RASGEF1A: variants seen among roughly 807,000 people sequenced by gnomAD.
RASGEF1A encodes RasGEF domain family member 1A, also known as ras-GEF domain-containing family member 1A.
Under a neutral mutation model 56.4 loss-of-function variants are expected in RASGEF1A, and 18 were observed. That is an observed-to-expected ratio of 0.32 (90% CI 0.22 to 0.47). RASGEF1A has a LOEUF of 0.47. Ranked by LOEUF, RASGEF1A falls within the 20% of genes least tolerant of loss-of-function variation. The pLI is 1.00. For missense variants in RASGEF1A, 422 were observed against 627.1 expected, an observed-to-expected ratio of 0.67 and a Z score of 3.49; for synonymous variants, 245 against 242.6, an observed-to-expected ratio of 1.01 and a Z score of -0.09.
chr10:43,226,915 G>A (rs1840286449), intron 1 of RASGEF1A, among the ~76,000 whole-genome samples: 1 of 152,206 alleles, frequency 6.6e-6, no homozygotes, highest in African/African-American at 2.4e-5. Flanking sequence ...GTGTCTGTGG[G>A]AAGACAGACA....
At chr10:43,248,921 G>A (rs979752316) in intron 1 of RASGEF1A, among the ~76,000 whole-genome samples, 2 of 152,102 alleles carry the variant, frequency 1.3e-5, no homozygotes, top group Admixed American at 6.6e-5. Context: ...CACACCAGCC[G>A]GCAACAAGTG....
chr10:43,236,307 A>C (rs1324056181), intron 1 of RASGEF1A, among the ~76,000 whole-genome samples: 1 of 152,210 alleles, frequency 6.6e-6, no homozygotes, highest in Non-Finnish European at 1.5e-5. Flanking sequence ...CCGCGCATCC[A>C]TGTGTGTTTG....
rs868587612 is a variant in RASGEF1A, at chr10:43,254,312, G to A, written c.-7+12533C>T. On this transcript the variant is annotated intron_variant, in intron 1 of 12. Transcript: ENST00000395810. ...AGGGCTGCAAGGGGCCATGTAGGTA[G>A]ACCCCCCCAGTGCTGGCGGCCTCCA... Among the ~76,000 whole-genome samples, 3 of 152,328 alleles carry A rather than the reference G, an allele frequency of 2.0e-5. No individual in the cohort carries two copies. The South Asian group carries it at 6.2e-4, about 32-fold the overall frequency.
intron 1 of RASGEF1A, among the ~76,000 whole-genome samples, chr10:43,230,768 C>T (rs1344883577): frequency 6.6e-6 from 1 of 152,222 alleles, no homozygotes; most frequent in African/African-American, 2.4e-5. Context: ...GGCTCTTGCC[C>T]AGGCCTTGCC....
intron 1 of RASGEF1A, among the ~76,000 whole-genome samples, chr10:43,256,857 G>C (rs953559651): frequency 1.3e-5 from 2 of 152,208 alleles, no homozygotes; most frequent in South Asian, 2.1e-4. Flanking sequence ...TTGGGGCCCA[G>C]CTGTTTCCTC....
At chr10:43,198,866 C>A in intron 9 of RASGEF1A, 67 bp downstream of exon 9, 2 of 1,445,600 alleles carry the variant, frequency 1.4e-6, no homozygotes, top group African/African-American at 1.4e-5. Flanking sequence ...ACTGTCAGGG[C>A]CCCCTTCGGG....
At position 43,200,358 on chromosome 10, in the gene RASGEF1A, C is replaced by T. The variant is rs1839874440; in HGVS notation, c.682-102G>A. On this transcript the variant is annotated intron_variant, in intron 5 of 12. Transcript: ENST00000395810. The stretch of plus-strand genomic sequence containing the variant: ...GGGAGAGGAGGAGCTGCCCAGGGCA[C>T]AGGACCTTCACCTCCTCCCAGGCCA... 3.0e-6 allele frequency: 3 copies of T among 1,007,244 alleles called. No homozygotes were observed. In the African/African-American group the frequency reaches 4.8e-5, roughly 16 times the overall value. 62.4% of individuals were successfully genotyped at this position (1,007,244 alleles called of 1,614,324 possible).
intron 1 of RASGEF1A, chr10:43,208,453 G>A (rs1840025861): frequency 3.0e-6 from 3 of 985,654 alleles, no homozygotes; most frequent in Non-Finnish European, 3.6e-6. Flanking sequence ...CAGCCCACTG[G>A]TCAGCAGCCA....
chr10:43,229,723 C>A, intron 1 of RASGEF1A: 1 of 1,403,536 alleles, frequency 7.1e-7, no homozygotes, highest in Non-Finnish European at 9.2e-7. Context: ...CCTCTGCCCG[C>A]GAGCCAAGCA....
rs1840545995 is a variant in RASGEF1A, at chr10:43,244,306, C to T, written c.-7+22539G>A. ...CAGAGACCTTTGTTCTCGTGTTTAT[C>T]TGCTGACCTTCTCTCCACTATTATC... On this transcript the variant is annotated intron_variant, in intron 1 of 12. Coordinates refer to ENST00000395810, the MANE Select transcript of RASGEF1A (RefSeq NM_145313.4). Among the ~76,000 whole-genome samples the T allele has an allele frequency of 2.6e-5, 4 of 151,440 alleles. No homozygotes were observed. The South Asian group carries it at 8.5e-4, about 32-fold the overall frequency.
intron 1 of RASGEF1A, among the ~76,000 whole-genome samples, chr10:43,235,016 C>T (rs1380453816): frequency 6.6e-6 from 1 of 152,242 alleles, no homozygotes; most frequent in Non-Finnish European, 1.5e-5. Flanking sequence ...CACCCACAGG[C>T]TCCAGGGAAG....
chr10:43,246,078 A>T (rs149135210), intron 1 of RASGEF1A, among the ~76,000 whole-genome samples: 20 of 152,326 alleles, frequency 1.3e-4, no homozygotes, highest in Admixed American at 5.2e-4. Flanking sequence ...AGGCTATAGG[A>T]TACAAGATCA....
At chr10:43,238,008 G>A (rs1407565165) in intron 1 of RASGEF1A, among the ~76,000 whole-genome samples, 1 of 148,176 alleles carries the variant, frequency 6.7e-6, no homozygotes, top group Non-Finnish European at 1.5e-5. Flanking sequence ...GGCCACACAG[G>A]CCAAGGCGGC....
At chr10:43,227,287 T>A (rs1469473927) in intron 1 of RASGEF1A, among the ~76,000 whole-genome samples, 5 of 152,154 alleles carry the variant, frequency 3.3e-5, no homozygotes, top group African/African-American at 1.2e-4. Flanking sequence ...CCTTCCTGAC[T>A]GCCTGCCCCC....
chr10:43,235,233 G>A (rs771960578), intron 1 of RASGEF1A, among the ~76,000 whole-genome samples: 14 of 152,306 alleles, frequency 9.2e-5, no homozygotes, highest in Non-Finnish European at 1.6e-4. Flanking sequence ...ATCCTTCCAG[G>A]CACCAGCATA....
chr10:43,235,315 T>C (rs1009145967), intron 1 of RASGEF1A, among the ~76,000 whole-genome samples: 1 of 152,156 alleles, frequency 6.6e-6, no homozygotes, highest in Non-Finnish European at 1.5e-5. Flanking sequence ...AGCCTCCACA[T>C]CTTTGAGAAG....
chr10:43,248,416 C>CATTTGTGAAT (rs1418322081), intron 1 of RASGEF1A, among the ~76,000 whole-genome samples: 1 of 149,060 alleles, frequency 6.7e-6, no homozygotes, highest in Non-Finnish European at 1.5e-5. Context: ...ATGATGGTTC[C>CATTTGTGAAT]ATTTGTGAAT....
Position 43,196,306 on chromosome 10 carries a change from C to T in RASGEF1A, c.1422-38G>A. On this transcript the variant is annotated intron_variant, in intron 12 of 12. Transcript: ENST00000395810. This position sits in a 1 kb window ranked among gnomAD's most constrained non-coding sequence, Gnocchi z 4.6. ...AGGACAAGCAGTGCTCAGGCCCGAGCAGGGCGGCTTGGGTCCAAGCCATCC... is the reference window on the plus strand; with the variant it reads ...AGGACAAGCAGTGCTCAGGCCCGAGTAGGGCGGCTTGGGTCCAAGCCATCC... 1 of 1,611,576 alleles carries T rather than the reference C, an allele frequency of 6.2e-7. No individual in the cohort carries two copies.
In RASGEF1A at chr10:43,196,894, C is replaced by T; in HGVS notation, c.1348+82G>A. On this transcript the variant is annotated intron_variant, in intron 11 of 12. Transcript: ENST00000395810. This position sits in a 1 kb window ranked among gnomAD's most constrained non-coding sequence, Gnocchi z 4.6. ...ATGGAGCAGCCAGCAGGCCATCTCC[C>T]AGGGCAACCCCAAAGAGCACCGGGC... The T allele has an allele frequency of 6.4e-7, 1 of 1,550,826 alleles. No homozygotes were observed.
Sources: allele counts gnomAD v4.1 joint callset (sites outside exome capture counted in the v4.1 genomes callset), GRCh38; gene constraint gnomAD v4.1.1; non-coding constraint Gnocchi (gnomAD v3.1); transcripts MANE v1.5; gene names NCBI Gene and HGNC (gene_info 2026-07-23, HGNC 2026-07-21).